The following GCNT2 variants were observed in gnomAD, a reference collection of about 807,000 sequenced individuals.
GCNT2 encodes glucosaminyl (N-acetyl) transferase 2 (I blood group).
A neutral mutation model predicts 34.2 loss-of-function variants in GCNT2; 34 were observed. The ratio of observed to expected loss-of-function variants is 1.00; its 90% CI spans 0.76 to 1.32. GCNT2 has a LOEUF of 1.32. Ranked by LOEUF, GCNT2 falls within the 40% of genes most tolerant of loss-of-function variation. The pLI, the probability that GCNT2 is intolerant of heterozygous loss-of-function variation, is 0.00. For missense variants in GCNT2, 584 were observed against 489.4 expected, an observed-to-expected ratio of 1.19 and a Z score of -1.82; for synonymous variants, 212 against 188.0, an observed-to-expected ratio of 1.13 and a Z score of -1.04.
chr6:10,575,815 G>T (rs968367794), intron 3 of GCNT2, among the ~76,000 whole-genome samples: 1 of 151,928 alleles, frequency 6.6e-6, no homozygotes, highest in Middle Eastern at 3.2e-3. Context: ...TTCCTGGCTC[G>T]TCCTGGCTCA....
intron 3 of GCNT2, among the ~76,000 whole-genome samples, chr6:10,557,604 C>A (rs1281918737): frequency 6.6e-6 from 1 of 151,998 alleles, no homozygotes; most frequent in African/African-American, 2.4e-5. Flanking sequence ...CCTCCCACTT[C>A]AGTCTCCTGA....
At chr6:10,609,581 A>T (rs553926108) in intron 3 of GCNT2, among the ~76,000 whole-genome samples, 2 of 152,288 alleles carry the variant, frequency 1.3e-5, no homozygotes, top group South Asian at 4.1e-4. Flanking sequence ...AAAAGCTCTT[A>T]TGTGTTGTGG....
At chr6:10,579,589 G>C (rs539986672) in intron 3 of GCNT2, among the ~76,000 whole-genome samples, 36 of 152,186 alleles carry the variant, frequency 2.4e-4, no homozygotes, top group African/African-American at 7.0e-4. Flanking sequence ...GCTGAGGCGG[G>C]TGGATCACTT....
At chr6:10,604,123 C>A (rs1041843012) in intron 3 of GCNT2, among the ~76,000 whole-genome samples, 1 of 152,080 alleles carries the variant, frequency 6.6e-6, no homozygotes, top group African/African-American at 2.4e-5. Context: ...TCTCGATCTC[C>A]TGACCTCATG....
chr6:10,538,099 C>T (rs1399626222), intron 3 of GCNT2, among the ~76,000 whole-genome samples: 1 of 151,838 alleles, frequency 6.6e-6, no homozygotes, highest in Non-Finnish European at 1.5e-5. Flanking sequence ...TTTCACACAT[C>T]ATAAGGTAAA....
In GCNT2 at chr6:10,543,699, G is replaced by C. The variant is rs552838479; in HGVS notation, c.925+13863G>C. ...GATTAGCATGTCCCTAATTAACAAT[G>C]ATGTTGGGCATCATGTACTTGTTGG... is the stretch of plus-strand genomic sequence containing the variant. On this transcript the variant is annotated intron_variant, in intron 3 of 4. Coordinates refer to ENST00000495262, the MANE Select transcript of GCNT2 (RefSeq NM_145649.5). Among the ~76,000 whole-genome samples, 24 of 152,272 alleles carry C rather than the reference G, an allele frequency of 1.6e-4. 1 individual carries two copies. The South Asian group carries it at 5.0e-3, about 32-fold the overall frequency.
chr6:10,534,708 C>CA (rs751702440), intron 3 of GCNT2, among the ~76,000 whole-genome samples: 7 of 148,906 alleles, frequency 4.7e-5, no homozygotes, highest in South Asian at 2.1e-4. Flanking sequence ...AAAAAAAAAT[C>CA]AAAAAATAGT....
intron 3 of GCNT2, among the ~76,000 whole-genome samples, chr6:10,578,145 C>T (rs1290935838): frequency 6.6e-6 from 1 of 151,990 alleles, no homozygotes; most frequent in African/African-American, 2.4e-5. Flanking sequence ...AATCCCAGCA[C>T]TTTGGGAGGC....
chr6:10,586,747 C>A, intron 3 of GCNT2: 1 of 1,614,096 alleles, frequency 6.2e-7, no homozygotes, highest in Non-Finnish European at 8.5e-7. Context: ...TTGAAAACTT[C>A]ACCTCCACAT....
intron 3 of GCNT2, among the ~76,000 whole-genome samples, chr6:10,533,229 C>T (rs544062728): frequency 6.6e-6 from 1 of 150,598 alleles, no homozygotes; most frequent in Non-Finnish European, 1.5e-5. Context: ...TCACTTCAGC[C>T]TGGGAGGCGG....
intron 1 of GCNT2, among the ~76,000 whole-genome samples, chr6:10,522,757 G>A (rs1450259955): frequency 6.6e-6 from 1 of 152,182 alleles, no homozygotes; most frequent in African/African-American, 2.4e-5. Flanking sequence ...GACTTTCTGA[G>A]CGATAGAGGT....
At chr6:10,538,611 A>G (rs1761892530) in intron 3 of GCNT2, among the ~76,000 whole-genome samples, 1 of 151,662 alleles carries the variant, frequency 6.6e-6, no homozygotes, top group Non-Finnish European at 1.5e-5. Context: ...ACACAGCACA[A>G]CTGAGGACTG....
chr6:10,535,220 A>G (rs67180095), intron 3 of GCNT2, among the ~76,000 whole-genome samples: 2,364 of 152,240 alleles, frequency 0.016, 27 homozygotes, highest in South Asian at 0.03. Context: ...TCCATCCAGC[A>G]GGTCCTCTGG....
intron 4 of GCNT2, among the ~76,000 whole-genome samples, chr6:10,625,534 T>G (rs1436712161): frequency 6.6e-6 from 1 of 151,916 alleles, no homozygotes; most frequent in Non-Finnish European, 1.5e-5. Context: ...AAAAAAAAAT[T>G]TCAATATTGA....
At chr6:10,539,594 A>AG (rs1276164303) in intron 3 of GCNT2, among the ~76,000 whole-genome samples, 5 of 152,076 alleles carry the variant, frequency 3.3e-5, no homozygotes, top group African/African-American at 9.7e-5. Context: ...GAAGGATTAG[A>AG]GAGTACACAA....
intron 2 of GCNT2, chr6:10,528,219 C>T (rs1761295797): frequency 6.6e-6 from 1 of 152,470 alleles, no homozygotes; most frequent in Non-Finnish European, 1.5e-5. Context: ...AAATTAAGCC[C>T]TGGAAAGAAT....
intron 1 of GCNT2, among the ~76,000 whole-genome samples, chr6:10,527,139 T>C (rs912414931): frequency 1.3e-5 from 2 of 152,112 alleles, no homozygotes; most frequent in Non-Finnish European, 2.9e-5. Context: ...AATCAATAAA[T>C]AGTTGATTGT....
At chr6:10,565,985 C>T (rs1203706969) in intron 3 of GCNT2, among the ~76,000 whole-genome samples, 1 of 152,152 alleles carries the variant, frequency 6.6e-6, no homozygotes, top group Admixed American at 6.5e-5. Flanking sequence ...ATCCCAGCAC[C>T]TTCACCAAAC....
chr6:10,592,093 A>AACGT (rs1185580299), intron 3 of GCNT2, among the ~76,000 whole-genome samples: 3 of 152,258 alleles, frequency 2.0e-5, no homozygotes, highest in African/African-American at 7.2e-5. Context: ...TCATGTCTTA[A>AACGT]CAAACGTCAC....
Sources: gnomAD v4.1 joint callset for allele counts (sites outside exome capture counted in the v4.1 genomes callset) on GRCh38, gnomAD v4.1.1 for gene constraint, MANE v1.5 for transcripts, NCBI Gene and HGNC (gene_info 2026-07-23, HGNC 2026-07-21) for gene names.